Variants in PIK3R5 observed in about 807,000 individuals in gnomAD.
The protein encoded by PIK3R5 is phosphoinositide-3-kinase regulatory subunit 5.
In PIK3R5, 32 loss-of-function variants were observed where a neutral mutation model predicts 94.9. That is an observed-to-expected ratio of 0.34 (90% CI 0.25 to 0.45). The LOEUF (loss-of-function observed/expected upper bound fraction) is 0.45. Ranked by LOEUF, PIK3R5 falls within the 20% of genes least tolerant of loss-of-function variation. PIK3R5 has a pLI of 1.00. For synonymous variants in PIK3R5, 443 were observed against 479.4 expected, an observed-to-expected ratio of 0.92 and a Z score of 0.99; for missense variants, 853 against 1,144.6, an observed-to-expected ratio of 0.75 and a Z score of 3.68.
intron 5 of PIK3R5, among the ~76,000 whole-genome samples, chr17:8,903,450 C>T (rs2090333304): frequency 6.7e-6 from 1 of 150,330 alleles, no homozygotes; most frequent in Non-Finnish European, 1.5e-5. Flanking sequence ...ATAAATCTTT[C>T]AAATAGATTT....
Position 8,893,717 on chromosome 17 carries a change from C to G in PIK3R5, c.413-62G>C. 7.7e-7 allele frequency: 1 copy of G among 1,299,998 alleles called. No individual in the cohort carries two copies. Among genetic ancestry groups the G allele is most frequent in the Admixed American group, 1.7e-5 (1 of 58,712 alleles). The allele number at this position is 1,299,998 out of a possible 1,614,324, so 80.5% of individuals were successfully genotyped here. ...AGTTCCTTCAGCATCGTCCGTGTGC[C>G]TCGTGGGGAGCCAAGCACTGGACAA... On this transcript the variant is annotated intron_variant, in intron 5 of 18. Coordinates refer to ENST00000447110, the MANE Select transcript of PIK3R5 (RefSeq NM_001142633.3). The surrounding 1 kb of genome is among the most constrained non-coding windows in gnomAD (Gnocchi z 5.1).
chr17:8,916,936 C>T (rs2090642156), intron 1 of PIK3R5: 1 of 152,284 alleles, frequency 6.6e-6, no homozygotes, highest in Non-Finnish European at 1.5e-5. Context: ...CACTGCTTTC[C>T]TGGTGTTCTG....
intron 15 of PIK3R5, among the ~76,000 whole-genome samples, chr17:8,883,101 G>A (rs760066241): frequency 3.9e-5 from 6 of 152,200 alleles, no homozygotes; most frequent in Non-Finnish European, 8.8e-5. Context: ...CGGGCGTGGT[G>A]GCTCATGCCT....
intron 1 of PIK3R5, among the ~76,000 whole-genome samples, chr17:8,924,864 A>C (rs541894238): frequency 2.0e-5 from 3 of 152,352 alleles, no homozygotes; most frequent in East Asian, 3.9e-4. Flanking sequence ...ACTTTTTATG[A>C]AACAAACGCT....
At chr17:8,928,962 T>G (rs995536149) in intron 1 of PIK3R5, among the ~76,000 whole-genome samples, 2 of 152,090 alleles carry the variant, frequency 1.3e-5, no homozygotes, top group African/African-American at 4.8e-5. Context: ...TTTAAGACAA[T>G]CATATTATAA....
In PIK3R5 at chr17:8,892,926, A is replaced by G. The variant is rs1009774918; in HGVS notation, c.482+660T>C. The stretch of plus-strand genomic sequence containing the variant: ...GGCACCCCCTCTCTAGTGCTTTTCA[A>G]ACTGCAGGTCAGGACACAGGAGTGG... On this transcript the variant is annotated intron_variant, in intron 6 of 18. Transcript: ENST00000447110. This position sits in a 1 kb window ranked among gnomAD's most constrained non-coding sequence, Gnocchi z 4.3. Among the ~76,000 whole-genome samples, 3 of 152,146 alleles carry G rather than the reference A, an allele frequency of 2.0e-5. No homozygotes were observed. Among genetic ancestry groups the G allele is most frequent in the Non-Finnish European group, 2.9e-5 (2 of 68,014 alleles).
Position 8,904,705 on chromosome 17 carries a change from C to A in PIK3R5, c.412+72G>T. The A allele has an allele frequency of 6.6e-7, 1 of 1,507,082 alleles. No individual in the cohort carries two copies. The allele number at this position is 1,507,082 out of a possible 1,614,324, so 93.4% of individuals were successfully genotyped here. A position where few individuals can be genotyped will look rare whatever the true frequency, so the allele number is the denominator to read the frequency against. ...GCAAGGTAAGGAGGGTCACAAAAAACAGTTTCAGAGGAGTTGGAAGCATTC... is the reference window on the plus strand; with the variant it reads ...GCAAGGTAAGGAGGGTCACAAAAAAAAGTTTCAGAGGAGTTGGAAGCATTC... On this transcript the variant is annotated intron_variant, in intron 5 of 18. Transcript: ENST00000447110. This position sits in a 1 kb window ranked among gnomAD's most constrained non-coding sequence, Gnocchi z 5.1.
chr17:8,913,959 T>G (rs1463788688), intron 1 of PIK3R5, among the ~76,000 whole-genome samples: 1 of 152,192 alleles, frequency 6.6e-6, no homozygotes, highest in African/African-American at 2.4e-5. Context: ...TGAGCATCTG[T>G]GGGGACTGAC....
chr17:8,881,165 G>C lies in PIK3R5; in HGVS notation c.2383-148C>G. 1 of 659,944 alleles carries C rather than the reference G, an allele frequency of 1.5e-6. No individual in the cohort carries two copies. Among genetic ancestry groups the C allele is most frequent in the South Asian group, 1.7e-5 (1 of 57,900 alleles). 40.9% of individuals were successfully genotyped at this position (659,944 alleles called of 1,614,324 possible). On this transcript the variant is annotated intron_variant, in intron 17 of 18. Coordinates refer to ENST00000447110, the MANE Select transcript of PIK3R5 (RefSeq NM_001142633.3). The surrounding 1 kb of genome is among the most constrained non-coding windows in gnomAD (Gnocchi z 4.8). ...GACTGCGCTCCAGGGTTAATGGCCAGGTCACAGGAGGGAGCCTGAGGCCTC... is the reference window on the plus strand; with the variant it reads ...GACTGCGCTCCAGGGTTAATGGCCACGTCACAGGAGGGAGCCTGAGGCCTC...
chr17:8,944,007 C>A (rs1050671540), intron 1 of PIK3R5, among the ~76,000 whole-genome samples: 8 of 151,844 alleles, frequency 5.3e-5, no homozygotes, highest in Non-Finnish European at 1.2e-4. Context: ...GCTTAGTACC[C>A]AATAGTTATT....
intron 1 of PIK3R5, among the ~76,000 whole-genome samples, chr17:8,944,579 T>C (rs2091242222): frequency 6.6e-6 from 1 of 152,170 alleles, no homozygotes; most frequent in South Asian, 2.1e-4. Flanking sequence ...AATGATGAGG[T>C]TGTGTTTTTC....
chr17:8,934,376 C>A (rs1297284080), intron 1 of PIK3R5, among the ~76,000 whole-genome samples: 1 of 152,036 alleles, frequency 6.6e-6, no homozygotes, highest in Non-Finnish European at 1.5e-5. Flanking sequence ...ATGTGGAAAA[C>A]CCCCACCATT....
chr17:8,932,385 CT>C (rs1398464629), intron 1 of PIK3R5, among the ~76,000 whole-genome samples: 1 of 152,134 alleles, frequency 6.6e-6, no homozygotes, highest in Non-Finnish European at 1.5e-5. Context: ...CAGGCATGCA[CT>C]ACCATGCCCA....
At position 8,887,240 on chromosome 17, in the gene PIK3R5, G is replaced by C. The variant is rs1296643664; in HGVS notation, c.1780-19C>G. 2 of 1,613,426 alleles carry C rather than the reference G, an allele frequency of 1.2e-6. No homozygotes were observed. Among genetic ancestry groups the C allele is most frequent in the East Asian group, 4.5e-5 (2 of 44,880 alleles). ...CCAGCTCCTAGGGCAAAGAACAAGA[G>C]TCATCATCCCAGCTCCCCAGGAGGC... On this transcript the variant is annotated intron_variant, in intron 11 of 18. Transcript: ENST00000447110.
chr17:8,926,918 A>G (rs563105018), intron 1 of PIK3R5, among the ~76,000 whole-genome samples: 1 of 152,266 alleles, frequency 6.6e-6, no homozygotes, highest in South Asian at 2.1e-4. Context: ...GGTTATATAT[A>G]TATAAATTAA....
At chr17:8,929,322 A>G (rs2090946724) in intron 1 of PIK3R5, among the ~76,000 whole-genome samples, 1 of 152,182 alleles carries the variant, frequency 6.6e-6, no homozygotes, top group African/African-American at 2.4e-5. Context: ...CTCACTTTAT[A>G]TATAAATATA....
Position 8,889,227 on chromosome 17 carries a change from A to G in PIK3R5, c.812-5T>C. ...GCTTCCCTGGTTTTGCAGTGTCTGT[A>G]AGAACAGGGAGGATAGGAGAAGAGG... On this transcript the variant is annotated splice_polypyrimidine_tract_variant and splice_region_variant and intron_variant, in intron 8 of 18. Coordinates refer to ENST00000447110, the MANE Select transcript of PIK3R5 (RefSeq NM_001142633.3). This position sits in a 1 kb window ranked among gnomAD's most constrained non-coding sequence, Gnocchi z 4.1. The G allele has an allele frequency of 6.2e-7, 1 of 1,611,282 alleles. No individual in the cohort carries two copies.
intron 5 of PIK3R5, among the ~76,000 whole-genome samples, chr17:8,898,568 C>T (rs992596368): frequency 7.9e-5 from 12 of 152,146 alleles, no homozygotes; most frequent in African/African-American, 2.2e-4. Context: ...ACATAAATGT[C>T]GAGCCTTCAG....
Position 8,904,811 on chromosome 17 carries a change from C to G in PIK3R5, c.378G>C (p.Leu126=), listed in dbSNP as rs1453496651. 1 of 1,614,182 alleles carries G rather than the reference C, an allele frequency of 6.2e-7. No individual in the cohort carries two copies. The highest frequency in any genetic ancestry group is 8.5e-7 in the Non-Finnish European group (1 of 1,180,034). Reference sequence around the variant, plus strand: ...TGAGTTCAGCATCAATGAAGGTGAGCAGCTCCTGGCAGATGCTGCAGTAAG... The same window carrying G: ...TGAGTTCAGCATCAATGAAGGTGAGGAGCTCCTGGCAGATGCTGCAGTAAG... ...PVPYCSICQE[L]LTFIDAELKA... is the part of the protein sequence containing the mutation. Residue 126 remains leucine (L), a synonymous_variant, in exon 5 of 19, where the codon CTG becomes CTC. Coordinates refer to ENST00000447110, the MANE Select transcript of PIK3R5 (RefSeq NM_001142633.3). This position sits in a 1 kb window ranked among gnomAD's most constrained non-coding sequence, Gnocchi z 5.1.
Sources: allele counts gnomAD v4.1 joint callset (sites outside exome capture counted in the v4.1 genomes callset), GRCh38; gene constraint gnomAD v4.1.1; non-coding constraint Gnocchi (gnomAD v3.1); transcripts MANE v1.5; gene names NCBI Gene and HGNC (gene_info 2026-07-23, HGNC 2026-07-21).